The following FBXO24 variants were observed in gnomAD, a reference collection of about 807,000 sequenced individuals.
FBXO24 encodes the protein F-box protein 24.
Under a neutral mutation model 63.5 loss-of-function variants are expected in FBXO24, and 30 were observed. That is an observed-to-expected ratio of 0.47 (90% CI 0.35 to 0.64). The LOEUF (loss-of-function observed/expected upper bound fraction) is 0.64. Ranked by LOEUF, FBXO24 falls within the 30% of genes least tolerant of loss-of-function variation. The pLI, the probability that FBXO24 is intolerant of heterozygous loss-of-function variation, is 0.00. For synonymous variants in FBXO24, 300 were observed against 305.0 expected, an observed-to-expected ratio of 0.98 and a Z score of 0.17; for missense variants, 624 against 763.4, an observed-to-expected ratio of 0.82 and a Z score of 2.15.
At chr7:100,593,626 CAAAAAAAA>C (rs769155612) in intron 5 of FBXO24, among the ~76,000 whole-genome samples, 4 of 58,982 alleles carry the variant, frequency 6.8e-5, no homozygotes, top group East Asian at 4.9e-4. Flanking sequence ...GACTCCGTCT[CAAAAAAAA>C]AAAAAAAAAA....
chr7:100,590,041 A>G lies in FBXO24; in HGVS notation c.104A>G (p.Asn35Ser). 1.2e-6 allele frequency: 2 copies of G among 1,613,484 alleles called. No individual in the cohort carries two copies. The highest frequency in any genetic ancestry group is 1.7e-6 in the Non-Finnish European group (2 of 1,179,836). The change falls in exon 2 of 10, where the codon AAT (asparagine) becomes AGT (serine). Residue 35 changes from asparagine (N) to serine (S), a missense_variant. By Grantham distance (46) the Asn-to-Ser change is conservative. Coordinates refer to ENST00000241071, the MANE Select transcript of FBXO24 (RefSeq NM_033506.3). Reference protein sequence around the residue: ...LGVEEKRGKGNPISIQLFPPE... With the variant: ...LGVEEKRGKGSPISIQLFPPE... The stretch of plus-strand genomic sequence containing the variant: ...GTTGAAGAGAAGAGGGGGAAAGGAA[A>G]TCCGATTTCCATCCAGTTGTTCCCC...
At chr7:100,587,887 C>T (rs962993734) in intron 1 of FBXO24, among the ~76,000 whole-genome samples, 6 of 151,912 alleles carry the variant, frequency 3.9e-5, no homozygotes, top group African/African-American at 9.7e-5. Context: ...CGTGAGCCAC[C>T]GCACCCGGCC....
At position 100,600,186 on chromosome 7, in the gene FBXO24, C is replaced by A; in HGVS notation, c.1362C>A (p.Val454=). The A allele has an allele frequency of 1.3e-6, 2 of 1,567,396 alleles. No homozygotes were observed. Among genetic ancestry groups the A allele is most frequent in the Non-Finnish European group, 1.7e-6 (2 of 1,155,776 alleles). ...GGCCCAAGGGGAGTGCCTCCTTCGTCAAGCTCCAAGTCAAGGTCAGAGCGG... is the reference window on the plus strand; with the variant it reads ...GGCCCAAGGGGAGTGCCTCCTTCGTAAAGCTCCAAGTCAAGGTCAGAGCGG... ...PGWPKGSASF[V]KLQVKVPLCA... is the part of the protein sequence containing the mutation. Residue 454 remains valine (V), a synonymous_variant, in exon 9 of 10, where the codon GTC becomes GTA. Coordinates refer to ENST00000241071, the MANE Select transcript of FBXO24 (RefSeq NM_033506.3). The surrounding 1 kb of genome is among the most constrained non-coding windows in gnomAD (Gnocchi z 6.3).
rs1802571951 is a variant in FBXO24, at chr7:100,600,797, C to T, written c.1641C>T (p.Pro547=). The T allele has an allele frequency of 1.9e-6, 3 of 1,613,988 alleles. No homozygotes were observed. The highest frequency in any genetic ancestry group is 2.5e-6 in the Non-Finnish European group (3 of 1,179,976). ...TGAAGGAGATCGTAGGGTGGATGCC[C>T]CTGATGGCCGCACAGAAGGACTTCT... is the stretch of plus-strand genomic sequence containing the variant. ...EKMKEIVGWM[P]LMAAQKDFFW... is the part of the protein sequence containing the mutation. Residue 547 remains proline (P), a synonymous_variant, in exon 10 of 10, where the codon CCC becomes CCT. Coordinates refer to ENST00000241071, the MANE Select transcript of FBXO24 (RefSeq NM_033506.3). The surrounding 1 kb of genome is among the most constrained non-coding windows in gnomAD (Gnocchi z 6.3).
At position 100,600,045 on chromosome 7, in the gene FBXO24, G is replaced by A; in HGVS notation, c.1221G>A (p.Gln407=). ...RGEPTQVCYL[Q]RPITLWCGLN... is the part of the protein sequence containing the mutation. Reference sequence around the variant, plus strand: ...TGTGTCCCCAGGTTTGTTACCTGCAGCGGCCCATCACCCTGTGGTGCGGCC... The same window carrying A: ...TGTGTCCCCAGGTTTGTTACCTGCAACGGCCCATCACCCTGTGGTGCGGCC... Residue 407 remains glutamine (Q), a synonymous_variant, in exon 9 of 10, where the codon CAG becomes CAA. Transcript: ENST00000241071. This position sits in a 1 kb window ranked among gnomAD's most constrained non-coding sequence, Gnocchi z 6.3. 4 of 1,607,498 alleles carry A rather than the reference G, an allele frequency of 2.5e-6. No individual in the cohort carries two copies. The highest frequency in any genetic ancestry group is 3.4e-6 in the Non-Finnish European group (4 of 1,177,616).
At chr7:100,592,299 G>T (rs937227859) in intron 4 of FBXO24, 2 of 252,144 alleles carry the variant, frequency 7.9e-6, no homozygotes, top group Non-Finnish European at 1.6e-5. Context: ...AATTTATAAG[G>T]CAAAGAGGTT....
intron 5 of FBXO24, 157 bp downstream of exon 5, chr7:100,593,174 T>A: frequency 1.6e-6 from 1 of 610,454 alleles, no homozygotes; most frequent in Non-Finnish European, 2.9e-6. Flanking sequence ...TCTCCTAGTC[T>A]AGGATTCTGC....
chr7:100,587,840 A>G (rs1801828933), intron 1 of FBXO24, among the ~76,000 whole-genome samples: 3 of 144,348 alleles, frequency 2.1e-5, no homozygotes, highest in Admixed American at 1.4e-4. Flanking sequence ...ACCTCAAGCG[A>G]TCCTGCCTCT....
At chr7:100,593,088 G>GCCTCCCTCCCCCTCCTCT in intron 5 of FBXO24, 71 bp downstream of exon 5, 4 of 1,343,422 alleles carry the variant, frequency 3.0e-6, no homozygotes, top group Non-Finnish European at 3.1e-6. Context: ...CAGAGGAGGG[G>GCCTCCCTCCCCCTCCTCT]GAGGGAGGCC....
At chr7:100,595,255 G>C (rs114682363) in intron 7 of FBXO24, 32 bp downstream of exon 7, 20 of 1,613,946 alleles carry the variant, frequency 1.2e-5, no homozygotes, top group Non-Finnish European at 1.4e-5. Flanking sequence ...GCAAACCAGA[G>C]GGGTGGCGCT....
rs1276420076 is a variant in FBXO24, at chr7:100,586,599, T to C, written c.-27T>C. The C allele has an allele frequency of 1.2e-6, 2 of 1,614,046 alleles. No homozygotes were observed. Among genetic ancestry groups the C allele is most frequent in the Non-Finnish European group, 8.5e-7 (1 of 1,179,896 alleles). Reference sequence around the variant, plus strand: ...AGGGAATCTGGACCTGCCTCTTCTCTGAGGGACGGCTCTACCTACCAATAG... The same window carrying C: ...AGGGAATCTGGACCTGCCTCTTCTCCGAGGGACGGCTCTACCTACCAATAG... On this transcript the variant is annotated 5_prime_UTR_variant, in exon 1 of 10. Coordinates refer to ENST00000241071, the MANE Select transcript of FBXO24 (RefSeq NM_033506.3).
chr7:100,590,023 A>G lies in FBXO24; in HGVS notation c.86A>G (p.Glu29Gly). The change falls in exon 2 of 10, where the codon GAG (glutamate) becomes GGG (glycine). Residue 29 changes from glutamate to glycine, a missense_variant. Transcript: ENST00000241071. ...TGTGGCTCGGAGCTTGGGGTTGAAG[A>G]GAAGAGGGGGAAAGGAAATCCGATT... ...PSCGSELGVEEKRGKGNPISI... is the reference protein window; with the variant it reads ...PSCGSELGVEGKRGKGNPISI... The G allele has an allele frequency of 1.2e-6, 2 of 1,613,558 alleles. No individual in the cohort carries two copies. Among genetic ancestry groups the G allele is most frequent in the Non-Finnish European group, 1.7e-6 (2 of 1,179,840 alleles).
In FBXO24 at chr7:100,595,598, C is replaced by T. The variant is rs1451741069; in HGVS notation, c.1098C>T (p.Tyr366=). The T allele has an allele frequency of 6.2e-7, 1 of 1,611,826 alleles. No homozygotes were observed. The change falls in exon 8 of 10, where the codon TAC becomes TAT. Residue 366 remains tyrosine, a synonymous_variant. Transcript: ENST00000241071. ...AGATCCTATTCTGTGCTCTTGGCTA[C>T]AACCACCTTGGCCTGGTGGATGAAT... ...PAKILFCALG[Y]NHLGLVDEFG...
chr7:100,597,056 CA>C (rs1194094402), intron 8 of FBXO24, among the ~76,000 whole-genome samples: 1 of 152,038 alleles, frequency 6.6e-6, no homozygotes, highest in Non-Finnish European at 1.5e-5. Flanking sequence ...CAAAACAAAA[CA>C]AAAACCACAC....
In FBXO24 at chr7:100,591,834, TCCAC is replaced by T; in HGVS notation, c.493_496del (p.Thr165SerfsTer73). The T allele has an allele frequency of 6.2e-7, 1 of 1,614,230 alleles. No individual in the cohort carries two copies. The highest frequency in any genetic ancestry group is 1.1e-5 in the South Asian group (1 of 91,088). On this transcript the variant is annotated frameshift_variant, in exon 4 of 10. Transcript: ENST00000241071. LOFTEE classifies it high-confidence loss of function. Reference sequence around the variant, plus strand: ...CTTCTTCCTCAAAAATGCCCTGGTCTCCACCCTCGGCCAGATGCAGTGGAAGCGG... The same window carrying T: ...CTTCTTCCTCAAAAATGCCCTGGTCTCCTCGGCCAGATGCAGTGGAAGCGG...
At position 100,592,953 on chromosome 7, in the gene FBXO24, A is replaced by G; in HGVS notation, c.729A>G (p.Ser243=). The G allele has an allele frequency of 6.2e-7, 1 of 1,614,116 alleles. No homozygotes were observed. Among genetic ancestry groups the G allele is most frequent in the Non-Finnish European group, 8.5e-7 (1 of 1,180,028 alleles). ...QRVFKMTFHH[S]MTFKQIVLVG... is the part of the protein sequence containing the mutation. ...TCTTCAAGATGACATTCCACCACTC[A>G]ATGACCTTCAAGCAGATCGTGCTGG... The change falls in exon 5 of 10, where the codon TCA becomes TCG. Residue 243 remains serine (S), a synonymous_variant. Coordinates refer to ENST00000241071, the MANE Select transcript of FBXO24 (RefSeq NM_033506.3).
intron 1 of FBXO24, 63 bp from the exon 2 acceptor site, chr7:100,589,914 C>G: frequency 1.3e-6 from 2 of 1,571,850 alleles, no homozygotes; most frequent in Non-Finnish European, 1.7e-6. Flanking sequence ...CCAAGGTAGG[C>G]GGAGAGAAGG....
chr7:100,594,461 T>C lies in FBXO24; in HGVS notation c.872T>C (p.Leu291Pro). 1 of 1,613,716 alleles carries C rather than the reference T, an allele frequency of 6.2e-7. No homozygotes were observed. The highest frequency in any genetic ancestry group is 8.5e-7 in the Non-Finnish European group (1 of 1,179,778). ...QPRSYTVQLA[L>P]RKVSHYLPHL... is the part of the protein sequence containing the mutation. ...CGCTCCTACACGGTTCAGCTGGCCC[T>C]GAGGAAGGTGTCCCACTACCTGCCT... Residue 291 changes from leucine (L) to proline (P), a missense_variant, in exon 6 of 10, where the codon CTG becomes CCG. By Grantham distance (98) the Leu-to-Pro change is moderately conservative (BLOSUM62 -3). Transcript: ENST00000241071. This position sits in a 1 kb window ranked among gnomAD's most constrained non-coding sequence, Gnocchi z 4.2.
At chr7:100,586,946 C>T (rs1215415942) in intron 1 of FBXO24, among the ~76,000 whole-genome samples, 1 of 152,004 alleles carries the variant, frequency 6.6e-6, no homozygotes, top group Non-Finnish European at 1.5e-5. Flanking sequence ...CCTGGAGATG[C>T]CCAGCTCGAG....
Sources: allele counts gnomAD v4.1 joint callset (sites outside exome capture counted in the v4.1 genomes callset), GRCh38; gene constraint gnomAD v4.1.1; non-coding constraint Gnocchi (gnomAD v3.1); transcripts MANE v1.5; gene names NCBI Gene and HGNC (gene_info 2026-07-23, HGNC 2026-07-21).